Variants in RHNO1 observed in about 807,000 individuals in gnomAD.
RHNO1 encodes RAD9, HUS1, RAD1-interacting nuclear orphan protein 1.
Under a neutral mutation model 7.2 loss-of-function variants are expected in RHNO1, and 9 were observed. The ratio of observed to expected loss-of-function variants is 1.25; its 90% CI spans 0.75 to 2.18. The LOEUF is 2.18. RHNO1 is among the 30% of genes most tolerant of loss of function. The pLI is 0.00. For synonymous variants in RHNO1, 95 were observed against 107.5 expected, an observed-to-expected ratio of 0.88 and a Z score of 0.72; for missense variants, 292 against 284.5, an observed-to-expected ratio of 1.03 and a Z score of -0.19.
In RHNO1 at chr12:2,885,465, A is replaced by G. The variant is rs377262236; in HGVS notation, c.99A>G (p.Thr33=). 3.7e-6 allele frequency: 6 copies of G among 1,611,226 alleles called. No individual in the cohort carries two copies. The African/African-American group carries it at 6.7e-5, about 18-fold the overall frequency. ...LEGPKHSCAS[T]QLPITHTRQV... ...GCCCCAAACACAGCTGTGCATCTAC[A>G]CAGCTTCCCATCACTCACACTCGAC... Residue 33 remains threonine, a synonymous_variant, in exon 2 of 3, where the codon ACA becomes ACG. Coordinates refer to ENST00000489288, the MANE Select transcript of RHNO1 (RefSeq NM_001252499.3).
intron 1 of RHNO1, among the ~76,000 whole-genome samples, chr12:2,884,967 C>T (rs1333570329): frequency 6.6e-6 from 1 of 152,186 alleles, no homozygotes; most frequent in Non-Finnish European, 1.5e-5. Context: ...TTTCCCTTTG[C>T]TAGACTTTCA....
chr12:2,885,052 T>C, intron 1 of RHNO1: 1 of 281,484 alleles, frequency 3.6e-6, no homozygotes, highest in Non-Finnish European at 6.6e-6. Flanking sequence ...GAATAAATGG[T>C]TATTCATCTT....
intron 1 of RHNO1, among the ~76,000 whole-genome samples, chr12:2,883,900 T>C (rs558695635): frequency 1.3e-5 from 2 of 152,106 alleles, no homozygotes; most frequent in East Asian, 3.9e-4. Context: ...CCGACAGTTA[T>C]TGGAGCTGGA....
At chr12:2,887,348 C>T (rs988158841) in intron 2 of RHNO1, among the ~76,000 whole-genome samples, 1 of 151,876 alleles carries the variant, frequency 6.6e-6, no homozygotes, top group Admixed American at 6.6e-5. Context: ...CGTGGTGGTG[C>T]GCACCTATAT....
At chr12:2,882,783 G>T (rs1446409167) in intron 1 of RHNO1, among the ~76,000 whole-genome samples, 2 of 152,152 alleles carry the variant, frequency 1.3e-5, no homozygotes, top group African/African-American at 4.8e-5. Context: ...ATTAGGGAAG[G>T]CCTATCTAAA....
chr12:2,888,906 A>T lies in RHNO1; in HGVS notation c.*447A>T, dbSNP rs1283033680. 1.3e-5 allele frequency: 2 copies of T among 153,320 alleles called. No individual in the cohort carries two copies. Among genetic ancestry groups the T allele is most frequent in the Non-Finnish European group, 1.5e-5 (1 of 68,866 alleles). The allele number at this position is 153,320 out of a possible 1,614,324, so 9.5% of individuals were successfully genotyped here. A position where few individuals can be genotyped will look rare whatever the true frequency, so the allele number is the denominator to read the frequency against. On this transcript the variant is annotated 3_prime_UTR_variant, in exon 3 of 3. Coordinates refer to ENST00000489288, the MANE Select transcript of RHNO1 (RefSeq NM_001252499.3). ...TCTTGTATTAACTGTTTAAATTTTT[A>T]AAATATCTTGTAGTAACTCTTTAAA...
In RHNO1 at chr12:2,885,334, T is replaced by C. The variant is rs376359977; in HGVS notation, c.-33T>C. ...CCCAACCCGAAGGCTAACAGCATCATGTGGTTACTAACTGTTCCTCATTCA... is the reference window on the plus strand; with the variant it reads ...CCCAACCCGAAGGCTAACAGCATCACGTGGTTACTAACTGTTCCTCATTCA... On this transcript the variant is annotated 5_prime_UTR_variant, in exon 2 of 3. The change abolishes an upstream ATG in the 5' untranslated region. Coordinates refer to ENST00000489288, the MANE Select transcript of RHNO1 (RefSeq NM_001252499.3). 4.4e-6 allele frequency: 7 copies of C among 1,597,570 alleles called. No homozygotes were observed. Among genetic ancestry groups the C allele is most frequent in the African/African-American group, 4.0e-5 (3 of 74,170 alleles).
chr12:2,878,372 A>G (rs952916462), intron 1 of RHNO1, among the ~76,000 whole-genome samples: 3 of 150,770 alleles, frequency 2.0e-5, no homozygotes, highest in Admixed American at 6.6e-5. Context: ...CAAAGGCTGG[A>G]TGGCAGGAGG....
intron 2 of RHNO1, 114 bp downstream of exon 2, chr12:2,885,648 C>G (rs1201376289): frequency 2.1e-6 from 2 of 933,772 alleles, no homozygotes; most frequent in African/African-American, 1.8e-5. Flanking sequence ...GATCTTGGCT[C>G]ACTGCAAGCT....
chr12:2,883,152 G>A (rs557572266), intron 1 of RHNO1, among the ~76,000 whole-genome samples: 15 of 151,240 alleles, frequency 9.9e-5, no homozygotes, highest in African/African-American at 3.4e-4. Flanking sequence ...GCTGAGGTGC[G>A]CAGATAGCTT....
At chr12:2,885,627 C>G in intron 2 of RHNO1, 93 bp downstream of exon 2, 1 of 1,133,508 alleles carries the variant, frequency 8.8e-7, no homozygotes, top group East Asian at 2.7e-5. Flanking sequence ...CAGGCTGGAG[C>G]ACAGTGGCGC....
intron 2 of RHNO1, chr12:2,886,075 T>A (rs1017360289): frequency 2.0e-5 from 3 of 152,260 alleles, no homozygotes; most frequent in Admixed American, 6.5e-5. Flanking sequence ...CTGGTACATC[T>A]TCTTTTCTCA....
intron 2 of RHNO1, 122 bp downstream of exon 2, chr12:2,885,656 G>A: frequency 1.2e-6 from 1 of 840,860 alleles, no homozygotes; most frequent in African/African-American, 1.9e-5. Context: ...CTCACTGCAA[G>A]CTCCGCCTCC....
At chr12:2,883,080 A>AC (rs2098160331) in intron 1 of RHNO1, among the ~76,000 whole-genome samples, 2 of 151,378 alleles carry the variant, frequency 1.3e-5, no homozygotes, top group South Asian at 4.2e-4. Context: ...AAAAAAAAAA[A>AC]AAAAACACAT....
At chr12:2,883,374 CGAAAAAAA>C (rs1272089357) in intron 1 of RHNO1, among the ~76,000 whole-genome samples, 4 of 143,632 alleles carry the variant, frequency 2.8e-5, no homozygotes, top group South Asian at 4.4e-4. Flanking sequence ...GACCCTATCT[CGAAAAAAA>C]GAAAAAAAAG....
intron 1 of RHNO1, among the ~76,000 whole-genome samples, chr12:2,882,313 T>A (rs1026564251): frequency 6.7e-6 from 1 of 148,730 alleles, no homozygotes; most frequent in African/African-American, 2.6e-5. Context: ...AATAAATAAA[T>A]AAAACTTTAA....
chr12:2,885,425 A>G lies in RHNO1; in HGVS notation c.59A>G (p.Gln20Arg), dbSNP rs868163932. The G allele has an allele frequency of 6.2e-7, 1 of 1,614,012 alleles. No individual in the cohort carries two copies. Among genetic ancestry groups the G allele is most frequent in the Non-Finnish European group, 8.5e-7 (1 of 1,179,988 alleles). ...CAGAAAGCCCCGCTGCTGTTCCACC[A>G]ACAACCACTGGAGGGCCCCAAACAC... ...PSQKAPLLFH[Q>R]QPLEGPKHSC... The change falls in exon 2 of 3, where the codon CAA becomes CGA. Residue 20 changes from glutamine (Q) to arginine (R), a missense_variant. Transcript: ENST00000489288.
upstream of RHNO1, chr12:2,876,785 T>C (rs2098145105): frequency 6.6e-6 from 1 of 152,318 alleles, no homozygotes; most frequent in South Asian, 2.1e-4. Flanking sequence ...CTGGCTCAGA[T>C]TCTTCCCGTG....
At position 2,881,156 on chromosome 12, in the gene RHNO1, G is replaced by A. The variant is rs113224327; in HGVS notation, c.-85+3874G>A. Among the ~76,000 whole-genome samples the A allele has an allele frequency of 1.7e-3, 252 of 152,120 alleles. 9 individuals carry two copies. Among genetic ancestry groups the A allele is most frequent in the African/African-American group, 5.4e-3 (225 of 41,398 alleles). On this transcript the variant is annotated intron_variant, in intron 1 of 2. Transcript: ENST00000489288. ...CTCGCTCTGTTGCCCAGGCTGGAGT[G>A]CAGTGGCGTGATCTCGGCTCACTGC... is the stretch of plus-strand genomic sequence containing the variant.
Sources: allele counts gnomAD v4.1 joint callset (sites outside exome capture counted in the v4.1 genomes callset), GRCh38; gene constraint gnomAD v4.1.1; transcripts MANE v1.5; gene names NCBI Gene and HGNC (gene_info 2026-07-23, HGNC 2026-07-21).